EML4: variants seen among roughly 807,000 people sequenced by gnomAD.
The protein encoded by EML4 is echinoderm microtubule-associated protein-like 4.
A neutral mutation model predicts 129.0 loss-of-function variants in EML4; 72 were observed. The observed-to-expected ratio is 0.56, with a 90% CI of 0.46 to 0.68. The LOEUF (loss-of-function observed/expected upper bound fraction) is 0.68, where lower values mean the gene tolerates loss of function less well. Ranked by LOEUF, EML4 falls within the 30% of genes least tolerant of loss-of-function variation. The pLI is 0.00. For missense variants in EML4, 1,363 were observed against 1,190.6 expected, an observed-to-expected ratio of 1.14 and a Z score of -2.13; for synonymous variants, 532 against 405.0, an observed-to-expected ratio of 1.31 and a Z score of -3.77.
chr2:42,242,042 A>T (rs538336751), intron 1 of EML4, among the ~76,000 whole-genome samples: 81 of 152,196 alleles, frequency 5.3e-4, no homozygotes, highest in Non-Finnish European at 1.0e-3. Context: ...TCACTATCCA[A>T]GTTTCACACA....
At chr2:42,213,413 C>T (rs1447054608) in intron 1 of EML4, among the ~76,000 whole-genome samples, 1 of 152,178 alleles carries the variant, frequency 6.6e-6, no homozygotes, top group African/African-American at 2.4e-5. Flanking sequence ...ATTTCCATAG[C>T]TATGTGGAGT....
intron 13 of EML4, among the ~76,000 whole-genome samples, chr2:42,298,091 T>C (rs1397930247): frequency 6.6e-6 from 1 of 152,216 alleles, no homozygotes; most frequent in Admixed American, 6.5e-5. Context: ...TGAGAGTATC[T>C]ACAGAACCAT....
At chr2:42,288,345 A>G in intron 11 of EML4, 23 bp downstream of exon 11, 1 of 1,233,802 alleles carries the variant, frequency 8.1e-7, no homozygotes, top group Non-Finnish European at 1.2e-6. Flanking sequence ...AAAACCGAGT[A>G]TTGTGTTTTA....
intron 1 of EML4, among the ~76,000 whole-genome samples, chr2:42,243,064 T>C (rs898112420): frequency 3.3e-5 from 5 of 152,158 alleles, no homozygotes; most frequent in African/African-American, 9.7e-5. Flanking sequence ...AGTCGTGACC[T>C]GCCTTGTCCA....
intron 10 of EML4, among the ~76,000 whole-genome samples, chr2:42,287,259 G>A (rs2103637870): frequency 6.6e-6 from 1 of 152,254 alleles, no homozygotes; most frequent in Middle Eastern, 3.4e-3. Context: ...TGAATGTCAA[G>A]GGTCCAACAA....
At chr2:42,204,948 C>G (rs917675155) in intron 1 of EML4, among the ~76,000 whole-genome samples, 1 of 152,156 alleles carries the variant, frequency 6.6e-6, no homozygotes, top group Non-Finnish European at 1.5e-5. Flanking sequence ...TATTACAGTT[C>G]TTCCTATTAC....
chr2:42,241,624 A>C (rs960299961), intron 1 of EML4, among the ~76,000 whole-genome samples: 3 of 152,222 alleles, frequency 2.0e-5, no homozygotes, highest in Non-Finnish European at 2.9e-5. Context: ...CCTGAAACAA[A>C]AAACGGATTA....
chr2:42,206,410 T>C (rs1490127125), intron 1 of EML4, among the ~76,000 whole-genome samples: 1 of 152,214 alleles, frequency 6.6e-6, no homozygotes, highest in East Asian at 1.9e-4. Flanking sequence ...GAAATGGGAT[T>C]TCACTGTCTT....
chr2:42,323,776 A>AAG (rs1449100824), intron 19 of EML4, among the ~76,000 whole-genome samples: 1 of 150,180 alleles, frequency 6.7e-6, no homozygotes, highest in East Asian at 2.0e-4. Context: ...TCTACCAAAA[A>AAG]AAAAAAAACA....
chr2:42,245,553 C>T lies in EML4; in HGVS notation c.74C>T (p.Ser25Leu), dbSNP rs1460773335. The T allele has an allele frequency of 6.2e-7, 1 of 1,613,794 alleles. No individual in the cohort carries two copies. Among genetic ancestry groups the T allele is most frequent in the East Asian group, 2.2e-5 (1 of 44,840 alleles). Reference protein sequence around the residue: ...ASTSDVQDRLSALESRVQQQE... With the variant: ...ASTSDVQDRLLALESRVQQQE... ...ACTTCTGATGTTCAAGATCGCCTGT[C>T]AGCTCTTGAGTCACGAGTTCAGCAA... The change falls in exon 2 of 23, where the codon TCA (serine) becomes TTA (leucine). Residue 25 changes from serine (S) to leucine (L), a missense_variant. By Grantham distance (145) the Ser-to-Leu change is moderately radical. Coordinates refer to ENST00000318522, the MANE Select transcript of EML4 (RefSeq NM_019063.5).
chr2:42,215,443 A>T (rs575420946), intron 1 of EML4, among the ~76,000 whole-genome samples: 1 of 152,266 alleles, frequency 6.6e-6, no homozygotes, highest in South Asian at 2.1e-4. Flanking sequence ...TTATGTACCT[A>T]TAAAAGCTTC....
chr2:42,205,091 ATTCTT>A (rs1304184980), intron 1 of EML4, among the ~76,000 whole-genome samples: 1 of 152,226 alleles, frequency 6.6e-6, no homozygotes, highest in Admixed American at 6.5e-5. Flanking sequence ...AGGTAATTTG[ATTCTT>A]TTATTAAGAG....
At position 42,263,235 on chromosome 2, in the gene EML4, T is replaced by C. The variant is rs749147061; in HGVS notation, c.570T>C (p.Asp190=). 2.2e-5 allele frequency: 35 copies of C among 1,613,248 alleles called. 2 individuals carry two copies. The East Asian group carries it at 6.9e-4, about 32-fold the overall frequency. Residue 190 remains aspartate (D), a synonymous_variant, in exon 5 of 23, where the codon GAT becomes GAC. Coordinates refer to ENST00000318522, the MANE Select transcript of EML4 (RefSeq NM_019063.5). ...ATAATTCTTGGGAAAATTCAGATGA[T>C]AGCCGTAATAAATTGTCGAAAATAC... ...KSHNSWENSD[D]SRNKLSKIPS... is the part of the protein sequence containing the mutation.
chr2:42,221,789 A>G (rs1298526098), intron 1 of EML4, among the ~76,000 whole-genome samples: 2 of 151,888 alleles, frequency 1.3e-5, no homozygotes, highest in Admixed American at 1.3e-4. Flanking sequence ...TTTTTGGTAG[A>G]GACAAGGTTT....
chr2:42,173,343 G>C (rs1670386361), intron 1 of EML4, among the ~76,000 whole-genome samples: 2 of 152,080 alleles, frequency 1.3e-5, no homozygotes, highest in South Asian at 2.1e-4. Context: ...CTCTTGAAGA[G>C]TTCAAGATAG....
intron 1 of EML4, among the ~76,000 whole-genome samples, chr2:42,231,447 C>T (rs942494830): frequency 2.0e-5 from 3 of 152,118 alleles, no homozygotes; most frequent in African/African-American, 7.2e-5. Context: ...TTATAATGAC[C>T]TCAAACTCAG....
intron 1 of EML4, among the ~76,000 whole-genome samples, chr2:42,221,667 G>T (rs990553201): frequency 6.6e-6 from 1 of 151,812 alleles, no homozygotes; most frequent in African/African-American, 2.4e-5. Context: ...GCAGTGGCGT[G>T]ATCTCGGCTC....
intron 2 of EML4, among the ~76,000 whole-genome samples, chr2:42,254,045 A>C (rs1001466424): frequency 6.6e-6 from 1 of 152,270 alleles, no homozygotes; most frequent in Non-Finnish European, 1.5e-5. Flanking sequence ...AGAATATTTG[A>C]AGAACTCATA....
At chr2:42,238,236 C>G (rs913100805) in intron 1 of EML4, among the ~76,000 whole-genome samples, 1 of 152,042 alleles carries the variant, frequency 6.6e-6, no homozygotes, top group Non-Finnish European at 1.5e-5. Flanking sequence ...TGGTACCAAG[C>G]AATTCAGATA....
Sources: gnomAD v4.1 joint callset for allele counts (sites outside exome capture counted in the v4.1 genomes callset) on GRCh38, gnomAD v4.1.1 for gene constraint, MANE v1.5 for transcripts, NCBI Gene and HGNC (gene_info 2026-07-23, HGNC 2026-07-21) for gene names.